MICAL3: variants seen among roughly 807,000 people sequenced by gnomAD.
The protein encoded by MICAL3 is microtubule associated monooxygenase, calponin and LIM domain containing 3.
In MICAL3, 62 loss-of-function variants were observed where a neutral mutation model predicts 207.4. The observed-to-expected ratio is 0.30, with a 90% CI of 0.24 to 0.37. The LOEUF is 0.37. Among genes scored for constraint, MICAL3 ranks in the 10% least tolerant of loss-of-function variants. MICAL3 has a pLI of 1.00. For synonymous variants in MICAL3, 1,077 were observed against 1,069.3 expected, an observed-to-expected ratio of 1.01 and a Z score of -0.14; for missense variants, 2,368 against 2,635.6, an observed-to-expected ratio of 0.90 and a Z score of 2.22.
At chr22:17,870,602 G>C (rs556830262) in intron 17 of MICAL3, among the ~76,000 whole-genome samples, 1 of 152,274 alleles carries the variant, frequency 6.6e-6, no homozygotes, top group South Asian at 2.1e-4. Context: ...AGGCTAACTA[G>C]AACACCCTGA....
At chr22:17,820,970 A>ATGTT (rs1377438289) in intron 25 of MICAL3, among the ~76,000 whole-genome samples, 2,455 of 141,090 alleles carry the variant, frequency 0.017, 201 homozygotes, top group South Asian at 0.036. Flanking sequence ...TAATAAATTT[A>ATGTT]TATTTATAAA....
intron 1 of MICAL3, among the ~76,000 whole-genome samples, chr22:17,926,309 G>A (rs533934691): frequency 6.6e-6 from 1 of 152,346 alleles, no homozygotes; most frequent in African/African-American, 2.4e-5. Context: ...GAATATCCCA[G>A]GGGAGAAGCG....
chr22:17,974,647 C>G (rs902346872), intron 1 of MICAL3, among the ~76,000 whole-genome samples: 1 of 150,894 alleles, frequency 6.6e-6, no homozygotes, highest in African/African-American at 2.5e-5. Context: ...TCGCTTGAAC[C>G]TGGTAGACAG....
At chr22:17,832,404 T>G (rs1438444971) in intron 20 of MICAL3, among the ~76,000 whole-genome samples, 1 of 152,092 alleles carries the variant, frequency 6.6e-6, no homozygotes, top group African/African-American at 2.4e-5. Context: ...TGCCTGTGGG[T>G]CTGGCCCAGC....
At chr22:17,809,656 T>G (rs191470740) in intron 28 of MICAL3, among the ~76,000 whole-genome samples, 1 of 138,294 alleles carries the variant, frequency 7.2e-6, no homozygotes, top group East Asian at 2.0e-4. Flanking sequence ...AACAAAACAA[T>G]AGAAATCTAC....
At chr22:18,002,985 T>A (rs1334597245) in intron 1 of MICAL3, among the ~76,000 whole-genome samples, 1 of 151,942 alleles carries the variant, frequency 6.6e-6, no homozygotes, top group Non-Finnish European at 1.5e-5. Context: ...TGAAACCCCA[T>A]CTCTACTAAA....
Position 17,896,997 on chromosome 22 carries a change from G to C in MICAL3, c.949-16C>G. 6.2e-7 allele frequency: 1 copy of C among 1,602,584 alleles called. No individual in the cohort carries two copies. Among genetic ancestry groups the C allele is most frequent in the Non-Finnish European group, 8.5e-7 (1 of 1,174,272 alleles). ...CGGCGTAGTCCTGTCTCCAGAGAAAGAGGAGGGTAGGGATGGAGAAGCTCT... is the reference window on the plus strand; with the variant it reads ...CGGCGTAGTCCTGTCTCCAGAGAAACAGGAGGGTAGGGATGGAGAAGCTCT... On this transcript the variant is annotated splice_polypyrimidine_tract_variant and intron_variant, in intron 7 of 31. Transcript: ENST00000441493.
At chr22:18,017,033 G>A (rs1485921949) in intron 1 of MICAL3, among the ~76,000 whole-genome samples, 1 of 152,070 alleles carries the variant, frequency 6.6e-6, no homozygotes, top group Non-Finnish European at 1.5e-5. Flanking sequence ...GTAGTGGGGG[G>A]AACAGAAATT....
chr22:17,798,713 A>G (rs1487764323), intron 29 of MICAL3, among the ~76,000 whole-genome samples: 46 of 133,252 alleles, frequency 3.5e-4, no homozygotes, highest in Middle Eastern at 4.8e-3. Context: ...TCCCTCTGTC[A>G]CCCAGGCTGG....
chr22:17,817,589 C>G lies in MICAL3; in HGVS notation c.5072G>C (p.Gly1691Ala). The G allele has an allele frequency of 6.2e-7, 1 of 1,613,320 alleles. No individual in the cohort carries two copies. The highest frequency in any genetic ancestry group is 8.5e-7 in the Non-Finnish European group (1 of 1,179,812). Residue 1691 changes from glycine to alanine, a missense_variant, in exon 26 of 32, where the codon GGC (glycine) becomes GCC (alanine). This residue lies in a region of MICAL3 where 1,770 missense variants were observed against 1,863.2 expected (regional missense o/e 0.95). Coordinates refer to ENST00000441493, the MANE Select transcript of MICAL3 (RefSeq NM_015241.3). ...GPDGSFTSSEGSSGKSKKRSS... is the reference protein window; with the variant it reads ...GPDGSFTSSEASSGKSKKRSS... ...CCTCTTCTTGCTCTTCCCACTGGAG[C>G]CCTCGGATGAAGTGAAAGAGCCATC...
At position 17,818,759 on chromosome 22, in the gene MICAL3, T is replaced by C; in HGVS notation, c.3902A>G (p.Gln1301Arg). Residue 1301 changes from glutamine to arginine, a missense_variant, in exon 26 of 32, where the codon CAA becomes CGA. Gln to Arg is a conservative substitution (Grantham distance 43). This residue lies in a region of MICAL3 where 1,770 missense variants were observed against 1,863.2 expected (regional missense o/e 0.95). Transcript: ENST00000441493. ...GCCCAGTCTGTCCTTGGTGTCACTT[T>C]GGCTTTGGACAGGGAGAGGGGCCAG... Reference protein sequence around the residue: ...TPLAPLPVQSQSDTKDRLGSP... With the variant: ...TPLAPLPVQSRSDTKDRLGSP... 3 of 1,598,350 alleles carry C rather than the reference T, an allele frequency of 1.9e-6. No homozygotes were observed. The highest frequency in any genetic ancestry group is 2.6e-6 in the Non-Finnish European group (3 of 1,169,280).
At chr22:17,969,320 T>C (rs930767486) in intron 1 of MICAL3, among the ~76,000 whole-genome samples, 4 of 152,278 alleles carry the variant, frequency 2.6e-5, no homozygotes, top group Non-Finnish European at 5.9e-5. Context: ...ATTACAGGCA[T>C]GAGCCACTGC....
At chr22:17,938,911 T>G (rs1424382295) in intron 1 of MICAL3, among the ~76,000 whole-genome samples, 1 of 152,204 alleles carries the variant, frequency 6.6e-6, no homozygotes, top group African/African-American at 2.4e-5. Flanking sequence ...GGCTACCATG[T>G]ACAGTATACA....
At chr22:17,975,816 G>A (rs1314638922) in intron 1 of MICAL3, among the ~76,000 whole-genome samples, 9 of 152,142 alleles carry the variant, frequency 5.9e-5, no homozygotes, top group Non-Finnish European at 1.3e-4. Flanking sequence ...ACTTTGGGAG[G>A]CTGAGGTGGG....
intron 1 of MICAL3, among the ~76,000 whole-genome samples, chr22:17,972,495 G>A (rs763258241): frequency 6.6e-6 from 1 of 152,162 alleles, no homozygotes; most frequent in Non-Finnish European, 1.5e-5. Context: ...AAGGCACATC[G>A]GGGAGGGGTA....
intron 1 of MICAL3, among the ~76,000 whole-genome samples, chr22:17,957,075 T>C (rs896341688): frequency 6.6e-6 from 1 of 152,196 alleles, no homozygotes; most frequent in African/African-American, 2.4e-5. Context: ...TTTGGTGTTC[T>C]ACCCAGAAAG....
chr22:17,807,190 C>T (rs981680736), intron 29 of MICAL3, among the ~76,000 whole-genome samples: 3 of 152,286 alleles, frequency 2.0e-5, no homozygotes, highest in African/African-American at 7.2e-5. Flanking sequence ...TGAGCCTAGG[C>T]TCTCTCCTGA....
intron 1 of MICAL3, among the ~76,000 whole-genome samples, chr22:17,928,807 T>C (rs1277179051): frequency 6.6e-6 from 1 of 152,212 alleles, no homozygotes; most frequent in Non-Finnish European, 1.5e-5. Context: ...AGAACTTTTT[T>C]TTCTTAAGAC....
At chr22:17,866,633 T>C (rs183762161) in intron 17 of MICAL3, among the ~76,000 whole-genome samples, 1 of 146,808 alleles carries the variant, frequency 6.8e-6, no homozygotes, top group African/African-American at 2.7e-5. Flanking sequence ...TAGAATAGAA[T>C]AGAATAGAAT....
Sources: gnomAD v4.1 joint callset for allele counts (sites outside exome capture counted in the v4.1 genomes callset) on GRCh38, gnomAD v4.1.1 for gene constraint, gnomAD v4.1.1 regional missense constraint, MANE v1.5 for transcripts, NCBI Gene and HGNC (gene_info 2026-07-23, HGNC 2026-07-21) for gene names.